Variants in ZNF407 observed in about 807,000 individuals in gnomAD.
ZNF407 encodes zinc finger protein 407.
A neutral mutation model predicts 131.2 loss-of-function variants in ZNF407; 17 were observed. The observed-to-expected ratio is 0.13, with a 90% CI of 0.09 to 0.19. The LOEUF is 0.19. Among genes scored for constraint, ZNF407 ranks in the 10% least tolerant of loss-of-function variants. ZNF407 has a pLI of 1.00. For synonymous variants in ZNF407, 1,156 were observed against 1,062.0 expected (o/e 1.09, Z -1.72); for missense variants, 2,681 against 2,830.6 (o/e 0.95, Z 1.20).
chr18:74,646,252 A>G (rs1044151487), intron 3 of ZNF407, among the ~76,000 whole-genome samples: 1 of 152,196 alleles, frequency 6.6e-6, no homozygotes, highest in African/African-American at 2.4e-5. Flanking sequence ...TAGCTGAACA[A>G]TTAGTTACAC....
intron 8 of ZNF407, among the ~76,000 whole-genome samples, chr18:74,985,928 G>T (rs1388864103): frequency 6.6e-6 from 1 of 152,188 alleles, no homozygotes; most frequent in African/African-American, 2.4e-5. Context: ...GGACTGATAT[G>T]TTTCCCTGAT....
At chr18:74,643,027 G>A (rs537702787) in intron 3 of ZNF407, among the ~76,000 whole-genome samples, 30 of 152,226 alleles carry the variant, frequency 2.0e-4, no homozygotes, top group Admixed American at 6.5e-4. Context: ...AGTTGGAACA[G>A]AATGGTAGTG....
intron 3 of ZNF407, among the ~76,000 whole-genome samples, chr18:74,707,886 G>A (rs1246757061): frequency 2.0e-5 from 3 of 152,276 alleles, no homozygotes; most frequent in Non-Finnish European, 2.9e-5. Flanking sequence ...CACAATTTTA[G>A]TGATGTAAAT....
chr18:74,808,926 C>T (rs1970153467), intron 4 of ZNF407, among the ~76,000 whole-genome samples: 1 of 152,082 alleles, frequency 6.6e-6, no homozygotes, highest in African/African-American at 2.4e-5. Context: ...TAATATTGGT[C>T]TGTGGGGAAT....
rs1249554388 is a variant in ZNF407 at position 74,767,531 on chromosome 18, TAACTC to T, written c.4803-13896_4803-13892del. On this transcript the variant is annotated intron_variant, in intron 3 of 8. Coordinates refer to ENST00000299687, the MANE Select transcript of ZNF407 (RefSeq NM_017757.3). ...TGTATTTCATGGAAAATATTTATCT[TAACTC>T]TAATATATGTAAACCTCAATACAAG... 5.9e-5 allele frequency among the ~76,000 whole-genome samples: 9 copies of T among 152,280 alleles called. No individual in the cohort carries two copies. The East Asian group carries it at 1.5e-3, about 26-fold the overall frequency.
intron 3 of ZNF407, among the ~76,000 whole-genome samples, chr18:74,761,120 T>G (rs757869393): frequency 6.6e-6 from 1 of 152,172 alleles, no homozygotes; most frequent in Non-Finnish European, 1.5e-5. Context: ...CAAACAATTT[T>G]ATTTTAAACT....
intron 8 of ZNF407, among the ~76,000 whole-genome samples, chr18:74,921,546 C>T (rs1971846578): frequency 6.6e-6 from 1 of 152,138 alleles, no homozygotes; most frequent in African/African-American, 2.4e-5. Context: ...CTTTTAAACC[C>T]TGCTTCTCAT....
At chr18:74,655,655 C>T (rs1167702830) in intron 3 of ZNF407, among the ~76,000 whole-genome samples, 1 of 152,136 alleles carries the variant, frequency 6.6e-6, no homozygotes, top group Non-Finnish European at 1.5e-5. Flanking sequence ...TCTCCTCAGA[C>T]TACTATGTAA....
chr18:75,062,924 CA>C, intron 8 of ZNF407: 2 of 446,184 alleles, frequency 4.5e-6, no homozygotes, highest in South Asian at 1.0e-4. Flanking sequence ...TGGGGAAATG[CA>C]CACCCAGTAT....
intron 7 of ZNF407, among the ~76,000 whole-genome samples, chr18:74,914,547 C>A (rs747489977): frequency 2.0e-5 from 3 of 152,172 alleles, no homozygotes; most frequent in Non-Finnish European, 4.4e-5. Context: ...TGTGCGCTTA[C>A]CTTCTCTAAA....
chr18:75,043,282 T>G (rs747537006), intron 8 of ZNF407, among the ~76,000 whole-genome samples: 2 of 152,222 alleles, frequency 1.3e-5, no homozygotes, highest in Non-Finnish European at 2.9e-5. Context: ...ACCAAGCATC[T>G]TTTCATGTAT....
intron 8 of ZNF407, among the ~76,000 whole-genome samples, chr18:74,988,211 A>G (rs1010967475): frequency 6.6e-6 from 1 of 152,190 alleles, no homozygotes; most frequent in Non-Finnish European, 1.5e-5. Context: ...ATATCCATAT[A>G]AAAAAATGAA....
chr18:74,826,189 G>A (rs1431571767), intron 4 of ZNF407, among the ~76,000 whole-genome samples: 1 of 152,084 alleles, frequency 6.6e-6, no homozygotes, highest in Non-Finnish European at 1.5e-5. Flanking sequence ...CTCAATGAAG[G>A]TATTTCTTCA....
At chr18:74,837,902 T>C (rs917073141) in intron 4 of ZNF407, among the ~76,000 whole-genome samples, 2 of 152,206 alleles carry the variant, frequency 1.3e-5, no homozygotes, top group African/African-American at 4.8e-5. Context: ...GACCTGCCCA[T>C]CTTGGCCTTC....
At chr18:74,744,575 T>C (rs479556) in intron 3 of ZNF407, among the ~76,000 whole-genome samples, 2,409 of 152,136 alleles carry the variant, frequency 0.016, 76 homozygotes, top group African/African-American at 0.054. Flanking sequence ...GTGATTTTAG[T>C]AGGGGAGAAA....
intron 4 of ZNF407, among the ~76,000 whole-genome samples, chr18:74,829,305 G>A (rs899761161): frequency 2.0e-5 from 3 of 152,156 alleles, no homozygotes; most frequent in Non-Finnish European, 4.4e-5. Context: ...ATTTGTAATA[G>A]GCATTCAGTA....
chr18:75,058,777 A>T (rs992165212), intron 8 of ZNF407, among the ~76,000 whole-genome samples: 1 of 152,236 alleles, frequency 6.6e-6, no homozygotes, highest in Non-Finnish European at 1.5e-5. Context: ...TACCCAGTAC[A>T]TTCTTGGTCA....
intron 1 of ZNF407, among the ~76,000 whole-genome samples, chr18:74,617,296 T>C (rs1456521357): frequency 6.6e-6 from 1 of 152,220 alleles, no homozygotes; most frequent in Non-Finnish European, 1.5e-5. Flanking sequence ...GATTTTTCTC[T>C]TACGTGACTG....
At chr18:74,678,820 T>TA in intron 3 of ZNF407, among the ~76,000 whole-genome samples, 1 of 152,204 alleles carries the variant, frequency 6.6e-6, no homozygotes. Flanking sequence ...AATAGAAAGT[T>TA]ACCTTTCTTT....
Sources: allele counts gnomAD v4.1 joint callset (sites outside exome capture counted in the v4.1 genomes callset), GRCh38; gene constraint gnomAD v4.1.1; transcripts MANE v1.5; gene names NCBI Gene and HGNC (gene_info 2026-07-23, HGNC 2026-07-21).